Variants in EIF4G3 observed in about 807,000 individuals in gnomAD.
The protein encoded by EIF4G3 is eukaryotic translation initiation factor 4 gamma 3.
EIF4G3 carries 34 observed loss-of-function variants against 186.4 expected under a neutral mutation model. That is an observed-to-expected ratio of 0.18 (90% CI 0.14 to 0.24). EIF4G3 has a LOEUF of 0.24. Among genes scored for constraint, EIF4G3 ranks in the 10% least tolerant of loss-of-function variants. The pLI is 1.00. For synonymous variants in EIF4G3, 673 were observed against 679.5 expected, an observed-to-expected ratio of 0.99 and a Z score of 0.15; for missense variants, 1,536 against 1,948.5, an observed-to-expected ratio of 0.79 and a Z score of 3.99.
rs148859086 is a variant in EIF4G3, at chr1:21,064,175, C to A, written c.-195-13181G>T. ...AAGCCAATGATGTAGTTGAGGATGG[C>A]GAGGTTCATGCTATCCTTTGTGCCC... On this transcript the variant is annotated intron_variant, in intron 3 of 36. Coordinates refer to ENST00000602326, the MANE Select transcript of EIF4G3 (RefSeq NM_001391906.1). Among the ~76,000 whole-genome samples the A allele has an allele frequency of 1.4e-4, 22 of 152,120 alleles. No individual in the cohort carries two copies. The East Asian group carries it at 4.1e-3, about 28-fold the overall frequency.
intron 19 of EIF4G3, among the ~76,000 whole-genome samples, chr1:20,884,582 CT>C (rs201886613): frequency 6.6e-6 from 1 of 151,866 alleles, no homozygotes; most frequent in Admixed American, 6.6e-5. Context: ...ACAAAAAAGA[CT>C]TTTTTTTCTT....
At chr1:20,936,658 G>C (rs2095525568) in intron 14 of EIF4G3, among the ~76,000 whole-genome samples, 1 of 151,972 alleles carries the variant, frequency 6.6e-6, no homozygotes, top group South Asian at 2.1e-4. Flanking sequence ...AAAACTGATA[G>C]ACTTTTATAT....
At chr1:21,145,631 T>C (rs1444694471) in intron 2 of EIF4G3, among the ~76,000 whole-genome samples, 5 of 152,144 alleles carry the variant, frequency 3.3e-5, no homozygotes, top group Non-Finnish European at 7.3e-5. Context: ...CATTGTGATT[T>C]CCCTTAAAGA....
At position 20,970,660 on chromosome 1, in the gene EIF4G3, G is replaced by C. The variant is rs1049119753; in HGVS notation, c.592-1064C>G. Among the ~76,000 whole-genome samples, 3 of 147,770 alleles carry C rather than the reference G, an allele frequency of 2.0e-5. No homozygotes were observed. In the South Asian group the frequency reaches 6.5e-4, roughly 32 times the overall value. ...CTTACAATTAAATACTTAACAGCCA[G>C]TAAAAAGAGTGAGGCAGATCTGGCC... On this transcript the variant is annotated intron_variant, in intron 11 of 36. Transcript: ENST00000602326.
At chr1:20,895,529 G>T in intron 16 of EIF4G3, 28 bp from the exon 17 acceptor site, 1 of 1,610,422 alleles carries the variant, frequency 6.2e-7, no homozygotes. Flanking sequence ...GGCAGACACT[G>T]TTTGTAGGGC....
At chr1:20,980,996 G>A (rs556447428) in intron 9 of EIF4G3, 52 bp downstream of exon 9, 28 of 1,384,960 alleles carry the variant, frequency 2.0e-5, no homozygotes, top group Admixed American at 6.9e-5. Context: ...ATGTGAATCC[G>A]GGTTAATTTC....
At chr1:20,974,781 A>G (rs964054375) in intron 10 of EIF4G3, among the ~76,000 whole-genome samples, 1 of 152,174 alleles carries the variant, frequency 6.6e-6, no homozygotes, top group Non-Finnish European at 1.5e-5. Context: ...GAAAGAAAGA[A>G]TTGCTAGAGT....
rs10587649 is a variant in EIF4G3 at position 20,923,809 on chromosome 1, C to CTATATATA, written c.1663+17674_1663+17681dup. ...CCTCCTCTCTTCACCTTACCCATCCCTATATATATATATATATATATATAT... is the reference window on the plus strand; with the variant it reads ...CCTCCTCTCTTCACCTTACCCATCCCTATATATATATATATATATATATATATATATAT... On this transcript the variant is annotated intron_variant, in intron 14 of 36. Coordinates refer to ENST00000602326, the MANE Select transcript of EIF4G3 (RefSeq NM_001391906.1). Among the ~76,000 whole-genome samples the CTATATATA allele has an allele frequency of 2.8e-3, 406 of 143,902 alleles. 5 individuals carry two copies. The highest frequency in any genetic ancestry group is 8.7e-3 in the African/African-American group (340 of 38,872). 94.4% of individuals were successfully genotyped at this position (143,902 alleles called of 152,430 possible).
At chr1:21,169,749 A>C (rs1032017983) in intron 2 of EIF4G3, 4 of 152,244 alleles carry the variant, frequency 2.6e-5, no homozygotes, top group Non-Finnish European at 5.9e-5. Context: ...AATTATTTTC[A>C]ATTCAATTAT....
chr1:20,813,520 G>GACTGCACCACTGCACTCC (rs1553175042), intron 34 of EIF4G3, among the ~76,000 whole-genome samples: 1 of 151,042 alleles, frequency 6.6e-6, no homozygotes, highest in Non-Finnish European at 1.5e-5. Context: ...AGTAAGCAAT[G>GACTGCACCACTGCACTCC]ACTGCACCAC....
chr1:21,021,941 C>T (rs1055145782), intron 4 of EIF4G3, among the ~76,000 whole-genome samples: 2 of 152,104 alleles, frequency 1.3e-5, no homozygotes, highest in African/African-American at 4.8e-5. Flanking sequence ...CAAAGTAAAA[C>T]TATTGCTACT....
intron 16 of EIF4G3, among the ~76,000 whole-genome samples, chr1:20,897,733 G>A (rs548223959): frequency 6.6e-6 from 1 of 151,990 alleles, no homozygotes; most frequent in Non-Finnish European, 1.5e-5. Flanking sequence ...ACAGCTTATT[G>A]GGATCTAAAT....
chr1:20,886,500 T>C, intron 18 of EIF4G3, 129 bp from the exon 19 acceptor site: 1 of 768,316 alleles, frequency 1.3e-6, no homozygotes, highest in Non-Finnish European at 2.0e-6. Context: ...GTACTCAAAC[T>C]GGAGGTAATC....
chr1:20,883,335 A>G (rs1041319936), intron 19 of EIF4G3, among the ~76,000 whole-genome samples: 3 of 152,018 alleles, frequency 2.0e-5, no homozygotes, highest in Non-Finnish European at 4.4e-5. Context: ...GAAGGAAATG[A>G]GGGCCGGGGG....
chr1:21,133,203 C>A (rs1327252477), intron 2 of EIF4G3, among the ~76,000 whole-genome samples: 1 of 152,060 alleles, frequency 6.6e-6, no homozygotes, highest in Non-Finnish European at 1.5e-5. Flanking sequence ...GGGCTGGGTT[C>A]AAGCACAAAG....
chr1:20,905,550 C>T (rs2091823698), intron 14 of EIF4G3, among the ~76,000 whole-genome samples: 1 of 152,136 alleles, frequency 6.6e-6, no homozygotes, highest in Non-Finnish European at 1.5e-5. Context: ...CCTAGCCTTT[C>T]ATATTGATAG....
At chr1:21,174,078 G>A (rs2098048879) in intron 2 of EIF4G3, among the ~76,000 whole-genome samples, 1 of 152,078 alleles carries the variant, frequency 6.6e-6, no homozygotes, top group Non-Finnish European at 1.5e-5. Context: ...AAAACAATAA[G>A]AGCTGTGAAA....
intron 4 of EIF4G3, among the ~76,000 whole-genome samples, chr1:21,040,844 T>A (rs990568870): frequency 6.6e-6 from 1 of 152,188 alleles, no homozygotes; most frequent in African/African-American, 2.4e-5. Context: ...CAGCTGAGTC[T>A]TGGCCAATCC....
rs760702730 is a variant in EIF4G3 at position 20,950,054 on chromosome 1, C to T, written c.772G>A (p.Ala258Thr). The change falls in exon 13 of 37, where the codon GCT becomes ACT. Residue 258 changes from alanine to threonine, a missense_variant. By Grantham distance (58) the Ala-to-Thr change is moderately conservative. Transcript: ENST00000602326. ...ACAGGGGTGCTGGCAGCAAGATGAG[C>T]GCTCTCCACAGTCCCATAAACCACA... The part of the protein sequence containing the change: ...SPVVYGTVES[A>T]HLAASTPVTA... 59 of 1,613,150 alleles carry T rather than the reference C, an allele frequency of 3.7e-5. No homozygotes were observed. Among genetic ancestry groups the T allele is most frequent in the Non-Finnish European group, 4.4e-5 (52 of 1,179,604 alleles).
Sources: gnomAD v4.1 joint callset for allele counts (sites outside exome capture counted in the v4.1 genomes callset) on GRCh38, gnomAD v4.1.1 for gene constraint, MANE v1.5 for transcripts, NCBI Gene and HGNC (gene_info 2026-07-23, HGNC 2026-07-21) for gene names.